Variants in UTP18 observed in about 807,000 individuals in gnomAD.
UTP18 encodes the protein U3 small nucleolar RNA-associated protein 18 homolog.
A neutral mutation model predicts 61.1 loss-of-function variants in UTP18; 36 were observed. That is an observed-to-expected ratio of 0.59 (90% CI 0.45 to 0.78). The LOEUF is 0.78. UTP18 is among the 30% of genes least tolerant of loss of function. The pLI is 0.00. For missense variants in UTP18, 753 were observed against 693.9 expected (o/e 1.09, Z -0.96); for synonymous variants, 282 against 251.1 (o/e 1.12, Z -1.16).
intron 12 of UTP18, 35 bp from the exon 13 acceptor site, chr17:51,296,930 A>G (rs745899051): frequency 1.2e-5 from 19 of 1,596,214 alleles, no homozygotes; most frequent in South Asian, 2.3e-5. Flanking sequence ...GGTAATTACA[A>G]AGTTGTTCAG....
intron 7 of UTP18, among the ~76,000 whole-genome samples, chr17:51,277,710 A>G (rs1353476687): frequency 2.6e-5 from 4 of 152,234 alleles, no homozygotes; most frequent in Admixed American, 2.0e-4. Context: ...TAGTTATAAT[A>G]AAATTTTGAT....
chr17:51,268,014 G>GTTTT (rs895927915), intron 3 of UTP18, among the ~76,000 whole-genome samples: 1 of 127,084 alleles, frequency 7.9e-6, no homozygotes, highest in African/African-American at 3.0e-5. Flanking sequence ...TTTGTTTTTT[G>GTTTT]TTTTTTTTTT....
At chr17:51,276,920 GA>G (rs1904740486) in intron 6 of UTP18, among the ~76,000 whole-genome samples, 1 of 152,296 alleles carries the variant, frequency 6.6e-6, no homozygotes, top group Non-Finnish European at 1.5e-5. Context: ...CAGCAACCCA[GA>G]AGCTCTCTGA....
At chr17:51,268,077 G>A (rs967623700) in intron 3 of UTP18, among the ~76,000 whole-genome samples, 2 of 146,310 alleles carry the variant, frequency 1.4e-5, no homozygotes. Context: ...CGGCGTGATC[G>A]CGGCTCACTG....
chr17:51,261,578 A>G (rs1413560015), intron 1 of UTP18, among the ~76,000 whole-genome samples: 1 of 152,162 alleles, frequency 6.6e-6, no homozygotes, highest in East Asian at 1.9e-4. Context: ...AGACACAGCA[A>G]TGGACAAAAC....
At chr17:51,277,066 A>G (rs1178168132) in intron 6 of UTP18, 64 bp from the exon 7 acceptor site, 3 of 1,521,082 alleles carry the variant, frequency 2.0e-6, no homozygotes, top group East Asian at 4.5e-5. Context: ...AGTGAAAAGT[A>G]TATACTACCA....
chr17:51,261,028 G>T, intron 1 of UTP18, 102 bp downstream of exon 1: 1 of 1,135,004 alleles, frequency 8.8e-7, no homozygotes, highest in Non-Finnish European at 1.1e-6. Context: ...CGGCGGCGGG[G>T]AGCGCTCAGG....
rs750803221 is a variant in UTP18 at position 51,285,350 on chromosome 17, G to A, written c.1310G>A (p.Gly437Glu). Reference protein sequence around the residue: ...YGLSIATSRNGQYVACGSNCG... With the variant: ...YGLSIATSRNEQYVACGSNCG... ...TTAAGCATTGCCACATCTAGGAATGGACAGTATGTTGCTTGTGGGTAAGTA... is the reference window on the plus strand; with the variant it reads ...TTAAGCATTGCCACATCTAGGAATGAACAGTATGTTGCTTGTGGGTAAGTA... Residue 437 changes from glycine (G) to glutamate (E), a missense_variant, in exon 10 of 14, where the codon GGA (glycine) becomes GAA (glutamate). By Grantham distance (98) the Gly-to-Glu change is moderately conservative (BLOSUM62 -2). Coordinates refer to ENST00000225298, the MANE Select transcript of UTP18 (RefSeq NM_016001.3). 6.2e-7 allele frequency: 1 copy of A among 1,613,730 alleles called. No homozygotes were observed. Among genetic ancestry groups the A allele is most frequent in the Non-Finnish European group, 8.5e-7 (1 of 1,179,754 alleles).
At chr17:51,285,389 G>A (rs755725820) in intron 10 of UTP18, 21 bp downstream of exon 10, 1 of 1,608,794 alleles carries the variant, frequency 6.2e-7, no homozygotes, top group Admixed American at 1.7e-5. Flanking sequence ...AGAGGTTCTT[G>A]TAACCTTAAT....
In UTP18 at chr17:51,260,566, T is replaced by A. The variant is rs2055418800; in HGVS notation, c.-19T>A. The A allele has an allele frequency of 6.2e-7, 1 of 1,603,336 alleles. No individual in the cohort carries two copies. Reference sequence around the variant, plus strand: ...GCGAGGTTCCACGTGAGCGCCTGCGTTTCTCCTCAAACCTAACGATGCCGC... The same window carrying A: ...GCGAGGTTCCACGTGAGCGCCTGCGATTCTCCTCAAACCTAACGATGCCGC... On this transcript the variant is annotated 5_prime_UTR_variant, in exon 1 of 14. Transcript: ENST00000225298.
At chr17:51,286,463 T>A (rs1156383862) in intron 10 of UTP18, 1 of 456,150 alleles carries the variant, frequency 2.2e-6, no homozygotes, top group African/African-American at 2.0e-5. Flanking sequence ...CTCTACTCTT[T>A]GTTCACTCTC....
intron 13 of UTP18, 21 bp downstream of exon 13, chr17:51,297,024 C>A: frequency 6.3e-7 from 1 of 1,596,576 alleles, no homozygotes; most frequent in Non-Finnish European, 8.5e-7. Context: ...CCTTTTCTTA[C>A]AAATTCTGCA....
At chr17:51,265,561 C>A (rs1028026851) in intron 2 of UTP18, among the ~76,000 whole-genome samples, 14 of 66,912 alleles carry the variant, frequency 2.1e-4, no homozygotes, top group Middle Eastern at 0.011. Context: ...CCGTGCCCGG[C>A]CTTTTTTTTT....
At chr17:51,292,364 C>T (rs2144445987) in intron 11 of UTP18, among the ~76,000 whole-genome samples, 1 of 152,362 alleles carries the variant, frequency 6.6e-6, no homozygotes, top group East Asian at 1.9e-4. Flanking sequence ...CCACGCTGTG[C>T]AGGCAGAACC....
intron 2 of UTP18, among the ~76,000 whole-genome samples, chr17:51,264,689 T>C (rs963696549): frequency 2.0e-5 from 3 of 148,258 alleles, no homozygotes; most frequent in African/African-American, 7.4e-5. Flanking sequence ...GTCATTGTCT[T>C]CTTTTTTTTT....
chr17:51,284,641 T>C (rs997836608), intron 9 of UTP18, among the ~76,000 whole-genome samples: 1 of 152,252 alleles, frequency 6.6e-6, no homozygotes, highest in African/African-American at 2.4e-5. Flanking sequence ...TGAGTGGAAC[T>C]TAGAAGCTTT....
At chr17:51,270,036 A>G (rs990676884) in intron 4 of UTP18, among the ~76,000 whole-genome samples, 2 of 152,098 alleles carry the variant, frequency 1.3e-5, no homozygotes, top group Non-Finnish European at 2.9e-5. Context: ...TTGTATTTTT[A>G]GTAGAATCGG....
At position 51,280,398 on chromosome 17, in the gene UTP18, C is replaced by T. The variant is rs879253576; in HGVS notation, c.1123C>T (p.Leu375=). 6.2e-6 allele frequency: 10 copies of T among 1,614,012 alleles called. No individual in the cohort carries two copies. Among genetic ancestry groups the T allele is most frequent in the South Asian group, 5.5e-5 (5 of 91,082 alleles). Residue 375 remains leucine, a synonymous_variant, in exon 9 of 14, where the codon CTG becomes TTG. Coordinates refer to ENST00000225298, the MANE Select transcript of UTP18 (RefSeq NM_016001.3). ...LHLLAMKTKE[L]IGSMKINGRV... ...ATATTTATTGTTTTAGACCAAAGAA[C>T]TGATTGGAAGCATGAAAATTAATGG...
At chr17:51,289,578 AGTGT>A (rs1905196591) in intron 11 of UTP18, among the ~76,000 whole-genome samples, 2 of 152,228 alleles carry the variant, frequency 1.3e-5, no homozygotes, top group African/African-American at 4.8e-5. Flanking sequence ...GCTCACTTTC[AGTGT>A]CACCCCATCT....
Sources: gnomAD v4.1 joint callset for allele counts (sites outside exome capture counted in the v4.1 genomes callset) on GRCh38, gnomAD v4.1.1 for gene constraint, MANE v1.5 for transcripts, NCBI Gene and HGNC (gene_info 2026-07-23, HGNC 2026-07-21) for gene names.